MAPK10: variants seen among roughly 807,000 people sequenced by gnomAD.
MAPK10 encodes JNK3 alpha protein kinase.
A neutral mutation model predicts 59.3 loss-of-function variants in MAPK10; 25 were observed. The observed-to-expected ratio is 0.42, with a 90% CI of 0.31 to 0.59. MAPK10 has a LOEUF of 0.59. MAPK10 is among the 20% of genes least tolerant of loss of function. The pLI, the probability that MAPK10 is intolerant of heterozygous loss-of-function variation, is 0.15. For missense variants in MAPK10, 351 were observed against 568.9 expected, an observed-to-expected ratio of 0.62 and a Z score of 3.90; for synonymous variants, 190 against 200.5, an observed-to-expected ratio of 0.95 and a Z score of 0.44.
At chr4:86,416,369 G>A (rs1449384999) in intron 1 of MAPK10, among the ~76,000 whole-genome samples, 1 of 152,246 alleles carries the variant, frequency 6.6e-6, no homozygotes, top group East Asian at 1.9e-4. Flanking sequence ...GGCAGCCTGA[G>A]CAGACTGACA....
chr4:86,064,205 A>C (rs374583641), intron 11 of MAPK10, 61 bp downstream of exon 11: 1 of 1,600,546 alleles, frequency 6.2e-7, no homozygotes, highest in South Asian at 1.1e-5. Context: ...AGTCCTATTC[A>C]GTTTTTGCTA....
chr4:86,430,252 G>C (rs1304375027), intron 1 of MAPK10, among the ~76,000 whole-genome samples: 1 of 152,150 alleles, frequency 6.6e-6, no homozygotes, highest in Admixed American at 6.5e-5. Flanking sequence ...AGAGAAGGAA[G>C]AATAAAACAA....
At chr4:86,160,882 G>T (rs1172460906) in intron 3 of MAPK10, among the ~76,000 whole-genome samples, 1 of 151,904 alleles carries the variant, frequency 6.6e-6, no homozygotes. Context: ...GAAAGTTTTG[G>T]CATTTCATCT....
chr4:86,323,774 C>T (rs775692238), intron 2 of MAPK10, among the ~76,000 whole-genome samples: 35 of 151,974 alleles, frequency 2.3e-4, no homozygotes, highest in Middle Eastern at 3.2e-3. Context: ...ACTCAAAAGT[C>T]GATTTCAGAA....
rs894260553 is a variant in MAPK10, at chr4:86,141,716, A to G, written c.236+17582T>C. On this transcript the variant is annotated intron_variant, in intron 4 of 13. Coordinates refer to ENST00000641462, the MANE Select transcript of MAPK10 (RefSeq NM_138982.4). ...GAGCAAATGTATAGGCTAAATCTAA[A>G]ATGTAGCCTATAAGTTTCTTTATGT... Among the ~76,000 whole-genome samples, 9 of 152,222 alleles carry G rather than the reference A, an allele frequency of 5.9e-5. No individual in the cohort carries two copies. The East Asian group carries it at 1.7e-3, about 29-fold the overall frequency.
intron 7 of MAPK10, 83 bp downstream of exon 7, chr4:86,101,811 T>C: frequency 7.1e-7 from 1 of 1,399,418 alleles, no homozygotes. Context: ...ATTTGACCAA[T>C]GCCCCCCGTA....
intron 3 of MAPK10, chr4:86,176,108 C>T (rs1376486752): frequency 6.6e-6 from 1 of 152,180 alleles, no homozygotes; most frequent in African/African-American, 2.4e-5. Flanking sequence ...GGTTATCATG[C>T]ATCATACTTT....
chr4:86,050,033 C>T (rs1280842098), intron 11 of MAPK10, among the ~76,000 whole-genome samples: 1 of 152,096 alleles, frequency 6.6e-6, no homozygotes, highest in Non-Finnish European at 1.5e-5. Context: ...AGTGAATTAA[C>T]TCATAGTTCC....
chr4:86,432,961 G>A (rs918146908), intron 1 of MAPK10, among the ~76,000 whole-genome samples: 1 of 152,154 alleles, frequency 6.6e-6, no homozygotes, highest in African/African-American at 2.4e-5. Flanking sequence ...ACCTGTGGGA[G>A]GGAGGAAGTA....
chr4:86,429,524 C>T (rs909253702), intron 1 of MAPK10, among the ~76,000 whole-genome samples: 30 of 152,222 alleles, frequency 2.0e-4, no homozygotes, highest in Admixed American at 6.5e-5. Context: ...ATAAAACAGG[C>T]AGGGCACAAT....
intron 1 of MAPK10, among the ~76,000 whole-genome samples, chr4:86,518,627 C>CT (rs1258817933): frequency 6.9e-6 from 1 of 144,782 alleles, no homozygotes; most frequent in Non-Finnish European, 1.5e-5. Flanking sequence ...CTGCTCTGAT[C>CT]TTTGTTTTTT....
intron 1 of MAPK10, among the ~76,000 whole-genome samples, chr4:86,563,402 A>T (rs147294051): frequency 2.0e-5 from 3 of 152,356 alleles, no homozygotes; most frequent in Admixed American, 2.0e-4. Flanking sequence ...AGGAGAGAAA[A>T]GAAATCAGAA....
intron 11 of MAPK10, among the ~76,000 whole-genome samples, chr4:86,059,624 A>G (rs752622238): frequency 2.0e-5 from 3 of 152,084 alleles, no homozygotes; most frequent in Admixed American, 6.6e-5. Flanking sequence ...CCAATTCCCA[A>G]ATTAATCTTG....
chr4:86,122,287 C>T (rs1485523059), intron 4 of MAPK10, among the ~76,000 whole-genome samples: 1 of 152,118 alleles, frequency 6.6e-6, no homozygotes, highest in African/African-American at 2.4e-5. Flanking sequence ...TCAAAACACT[C>T]TCATAATAAG....
chr4:86,137,146 G>A (rs930198255), intron 4 of MAPK10, among the ~76,000 whole-genome samples: 2 of 151,168 alleles, frequency 1.3e-5, no homozygotes, highest in African/African-American at 2.5e-5. Context: ...GGTCAACAAG[G>A]ATACCCAGGA....
intron 1 of MAPK10, among the ~76,000 whole-genome samples, chr4:86,485,988 C>T (rs930959497): frequency 2.6e-5 from 4 of 152,218 alleles, no homozygotes; most frequent in Middle Eastern, 3.2e-3. Context: ...TTAAGCCCTC[C>T]AGTCTGTGGT....
At chr4:86,563,109 T>C (rs1760802591) in intron 1 of MAPK10, among the ~76,000 whole-genome samples, 1 of 152,184 alleles carries the variant, frequency 6.6e-6, no homozygotes, top group Non-Finnish European at 1.5e-5. Context: ...TAGTAAATAT[T>C]TGTGCGATGT....
At chr4:86,169,476 G>T (rs2073262252) in intron 3 of MAPK10, among the ~76,000 whole-genome samples, 1 of 152,148 alleles carries the variant, frequency 6.6e-6, no homozygotes, top group African/African-American at 2.4e-5. Context: ...AATGGAAGAT[G>T]AAATGAATGA....
At chr4:86,531,480 A>T (rs1757848300) in intron 1 of MAPK10, among the ~76,000 whole-genome samples, 1 of 152,168 alleles carries the variant, frequency 6.6e-6, no homozygotes, top group South Asian at 2.1e-4. Flanking sequence ...AGTGAAGAAT[A>T]AAGAATCTCT....
Sources: allele counts gnomAD v4.1 joint callset (sites outside exome capture counted in the v4.1 genomes callset), GRCh38; gene constraint gnomAD v4.1.1; transcripts MANE v1.5; gene names NCBI Gene and HGNC (gene_info 2026-07-23, HGNC 2026-07-21).